Variants in LTBP1 observed in about 807,000 individuals in gnomAD.
The protein encoded by LTBP1 is latent-transforming growth factor beta-binding protein 1.
Under a neutral mutation model 207.6 loss-of-function variants are expected in LTBP1, and 129 were observed. The ratio of observed to expected loss-of-function variants is 0.62; its 90% CI spans 0.54 to 0.72. The LOEUF (loss-of-function observed/expected upper bound fraction) is 0.72. Among genes scored for constraint, LTBP1 ranks in the 30% least tolerant of loss-of-function variants. The pLI is 0.00. For synonymous variants in LTBP1, 963 were observed against 833.7 expected (o/e 1.16, Z -2.67); for missense variants, 2,281 against 2,217.2 (o/e 1.03, Z -0.58).
intron 4 of LTBP1, among the ~76,000 whole-genome samples, chr2:33,120,549 A>T (rs1374049931): frequency 6.6e-6 from 1 of 152,178 alleles, no homozygotes; most frequent in Non-Finnish European, 1.5e-5. Context: ...ATAGTATTTC[A>T]TGGCATATAT....
rs558472643 is a variant in LTBP1 at position 33,073,535 on chromosome 2, C to T, written c.864-37047C>T. On this transcript the variant is annotated intron_variant, in intron 3 of 33. Coordinates refer to ENST00000404816, the MANE Select transcript of LTBP1 (RefSeq NM_206943.4). ...CATACATTTATTTTTCTTAGTTTTTCTTTCTTCTTCCCTTTTTAACTGGTT... is the reference window on the plus strand; with the variant it reads ...CATACATTTATTTTTCTTAGTTTTTTTTTCTTCTTCCCTTTTTAACTGGTT... 2.6e-5 allele frequency among the ~76,000 whole-genome samples: 4 copies of T among 152,130 alleles called. No homozygotes were observed. The South Asian group carries it at 8.3e-4, about 32-fold the overall frequency.
chr2:32,955,688 G>A (rs913755663), intron 2 of LTBP1, among the ~76,000 whole-genome samples: 1 of 152,160 alleles, frequency 6.6e-6, no homozygotes, highest in South Asian at 2.1e-4. Flanking sequence ...GCCCATCAGG[G>A]TCATGTTTTT....
chr2:33,243,575 G>T, intron 9 of LTBP1, 87 bp from the exon 10 acceptor site: 1 of 1,240,200 alleles, frequency 8.1e-7, no homozygotes, highest in South Asian at 1.4e-5. Flanking sequence ...GATTACTATA[G>T]TGAAAAAGGA....
intron 9 of LTBP1, among the ~76,000 whole-genome samples, chr2:33,235,619 C>A (rs529593385): frequency 1.2e-4 from 19 of 152,278 alleles, no homozygotes; most frequent in African/African-American, 4.1e-4. Flanking sequence ...TTTATTGCAG[C>A]ACTGTTCACA....
intron 2 of LTBP1, among the ~76,000 whole-genome samples, chr2:32,969,227 ATT>A (rs869147021): frequency 0.12 from 10,734 of 92,466 alleles, 526 homozygotes; most frequent in Non-Finnish European, 0.16. Context: ...CACCTGGCCA[ATT>A]TGTGTGTGTG....
Position 33,182,687 on chromosome 2 carries a change from G to GAGATATATATATATATAT in LTBP1, c.1202-4168_1202-4167insGATATATATATATATATA, listed in dbSNP as rs1469125010. Among the ~76,000 whole-genome samples, 212 of 66,988 alleles carry GAGATATATATATATATAT rather than the reference G, an allele frequency of 3.2e-3. 24 individuals are homozygous for GAGATATATATATATATAT. Among genetic ancestry groups the GAGATATATATATATATAT allele is most frequent in the Admixed American group, 6.2e-3 (41 of 6,658 alleles). The allele number at this position is 66,988 out of a possible 152,430, so 43.9% of individuals were successfully genotyped here. On this transcript the variant is annotated intron_variant, in intron 5 of 33. Coordinates refer to ENST00000404816, the MANE Select transcript of LTBP1 (RefSeq NM_206943.4). ...AAAAAAAAAAAGAAGAAAAGATGGT[G>GAGATATATATATATATAT]ATATATATATATACACACACACACA...
At chr2:33,296,811 A>G (rs2093885442) in intron 20 of LTBP1, among the ~76,000 whole-genome samples, 1 of 152,160 alleles carries the variant, frequency 6.6e-6, no homozygotes, top group African/African-American at 2.4e-5. Context: ...AAGTTACGGT[A>G]TCTTACTTCA....
intron 24 of LTBP1, among the ~76,000 whole-genome samples, chr2:33,321,192 C>G (rs189345390): frequency 1.3e-5 from 2 of 152,266 alleles, no homozygotes; most frequent in Admixed American, 1.3e-4. Context: ...CTTCTTGTCA[C>G]ATCTAGCCTG....
chr2:33,109,691 A>G (rs1176599138), intron 3 of LTBP1, among the ~76,000 whole-genome samples: 21 of 152,244 alleles, frequency 1.4e-4, no homozygotes, highest in Admixed American at 1.4e-3. Context: ...AAATAGTACA[A>G]TTTATATTAT....
chr2:33,168,927 G>T (rs548123677), intron 5 of LTBP1, among the ~76,000 whole-genome samples: 1 of 152,304 alleles, frequency 6.6e-6, no homozygotes, highest in African/African-American at 2.4e-5. Flanking sequence ...AGGACTAAAA[G>T]GGATCCGTGC....
chr2:33,213,424 T>A (rs1480656895), intron 7 of LTBP1, among the ~76,000 whole-genome samples: 1 of 152,222 alleles, frequency 6.6e-6, no homozygotes, highest in Non-Finnish European at 1.5e-5. Flanking sequence ...ATAGTTAGCG[T>A]GAGCCTATAT....
At chr2:33,316,147 G>A (rs530140422) in intron 24 of LTBP1, among the ~76,000 whole-genome samples, 212 of 66,166 alleles carry the variant, frequency 3.2e-3, no homozygotes, top group Non-Finnish European at 6.8e-3. Context: ...CAAGAATACA[G>A]CACTGGTTAT....
In LTBP1 at chr2:33,390,342, A is replaced by G. The variant is rs76180099; in HGVS notation, c.4834+1036A>G. Among the ~76,000 whole-genome samples the G allele has an allele frequency of 2.8e-4, 43 of 152,286 alleles. No homozygotes were observed. In the East Asian group the frequency reaches 8.1e-3, roughly 29 times the overall value. ...AAATCAGACTTTTCAAATACAGACA[A>G]TTTGAAGTCTGAAACAGCAGGAGGT... On this transcript the variant is annotated intron_variant, in intron 32 of 33. Transcript: ENST00000404816.
chr2:33,252,928 G>T, intron 11 of LTBP1, 84 bp downstream of exon 11: 2 of 1,170,046 alleles, frequency 1.7e-6, no homozygotes, highest in South Asian at 2.6e-5. Flanking sequence ...GGTCATTTGT[G>T]GTTTCTGACT....
chr2:33,236,846 CAT>C (rs1281859442), intron 9 of LTBP1, among the ~76,000 whole-genome samples: 5 of 152,304 alleles, frequency 3.3e-5, no homozygotes, highest in African/African-American at 9.6e-5. Context: ...GTGTAGCACA[CAT>C]GTGTCAAGAA....
At chr2:33,025,117 C>T (rs531145921) in intron 3 of LTBP1, among the ~76,000 whole-genome samples, 153 of 152,216 alleles carry the variant, frequency 1.0e-3, no homozygotes, top group African/African-American at 2.9e-3. Context: ...TTAGGGAGAG[C>T]GAGGAGAAGG....
chr2:32,977,193 G>C (rs969643867), intron 2 of LTBP1, among the ~76,000 whole-genome samples: 1 of 152,228 alleles, frequency 6.6e-6, no homozygotes, highest in Non-Finnish European at 1.5e-5. Flanking sequence ...GGCCTCCCCT[G>C]CTGTCCAGGT....
chr2:33,154,084 C>T (rs1338249235), intron 5 of LTBP1, among the ~76,000 whole-genome samples: 1 of 152,222 alleles, frequency 6.6e-6, no homozygotes, highest in Non-Finnish European at 1.5e-5. Context: ...AGAACTCTGC[C>T]TGTACCTTTG....
chr2:33,000,332 T>C (rs779890481), intron 2 of LTBP1, among the ~76,000 whole-genome samples: 2 of 134,826 alleles, frequency 1.5e-5, no homozygotes, highest in Non-Finnish European at 3.3e-5. Context: ...TGAATGTGTA[T>C]ACCGAGCTAC....
Sources: gnomAD v4.1 joint callset for allele counts (sites outside exome capture counted in the v4.1 genomes callset) on GRCh38, gnomAD v4.1.1 for gene constraint, MANE v1.5 for transcripts, NCBI Gene and HGNC (gene_info 2026-07-23, HGNC 2026-07-21) for gene names.